TNIP3: variants seen among roughly 807,000 people sequenced by gnomAD.
The protein encoded by TNIP3 is TNFAIP3 interacting protein 3.
A neutral mutation model predicts 54.1 loss-of-function variants in TNIP3; 34 were observed. That is an observed-to-expected ratio of 0.63 (90% CI 0.48 to 0.84). The LOEUF (loss-of-function observed/expected upper bound fraction) is 0.84, where lower values mean the gene tolerates loss of function less well. Ranked by LOEUF, TNIP3 falls within the 40% of genes least tolerant of loss-of-function variation. The pLI, the probability that TNIP3 is intolerant of heterozygous loss-of-function variation, is 0.00. For missense variants in TNIP3, 366 were observed against 387.6 expected (o/e 0.94, Z 0.47); for synonymous variants, 134 against 136.8 (o/e 0.98, Z 0.14).
At chr4:121,168,748 G>A (rs1730909961), upstream of TNIP3, among the ~76,000 whole-genome samples, 1 of 151,240 alleles carries the variant, frequency 6.6e-6, no homozygotes. Flanking sequence ...TTGAACTCGT[G>A]GCTTTGAATG....
chr4:121,155,209 C>G (rs531055533), intron 4 of TNIP3, among the ~76,000 whole-genome samples: 1 of 152,016 alleles, frequency 6.6e-6, no homozygotes, highest in Non-Finnish European at 1.5e-5. Flanking sequence ...GTGATCTGCC[C>G]GTCTCAGCCT....
At chr4:121,137,949 T>A (rs1165831516) in intron 10 of TNIP3, 2 of 456,066 alleles carry the variant, frequency 4.4e-6, no homozygotes, top group Non-Finnish European at 8.8e-6. Context: ...ATAGCTCAGT[T>A]TATACAGCCC....
intron 5 of TNIP3, among the ~76,000 whole-genome samples, chr4:121,151,452 AT>A (rs778113938): frequency 2.0e-5 from 3 of 151,956 alleles, no homozygotes; most frequent in Admixed American, 6.6e-5. Context: ...TATGAATATC[AT>A]TTTTTTTCAG....
rs767549424 is a variant in TNIP3 at position 121,164,133 on chromosome 4, G to A, written c.-8C>T. The A allele has an allele frequency of 1.8e-5, 29 of 1,613,514 alleles. No homozygotes were observed. Among genetic ancestry groups the A allele is most frequent in the Non-Finnish European group, 2.1e-5 (25 of 1,179,726 alleles). ...CTGTACAAAATGTGCCATGGAAGCTGTTTTTCCTGGAGTCTTGGAAAGCAG... is the reference window on the plus strand; with the variant it reads ...CTGTACAAAATGTGCCATGGAAGCTATTTTTCCTGGAGTCTTGGAAAGCAG... On this transcript the variant is annotated 5_prime_UTR_variant, in exon 1 of 11. Coordinates refer to ENST00000057513, the MANE Select transcript of TNIP3 (RefSeq NM_024873.6).
chr4:121,152,708 T>C (rs1729833394), intron 5 of TNIP3, among the ~76,000 whole-genome samples: 1 of 152,210 alleles, frequency 6.6e-6, no homozygotes, highest in Non-Finnish European at 1.5e-5. Flanking sequence ...TAAAAATACA[T>C]GTTAAAATGA....
At chr4:121,173,966 A>G (rs1012643853) in intron 3 of TNIP3, among the ~76,000 whole-genome samples, 2 of 152,156 alleles carry the variant, frequency 1.3e-5, no homozygotes, top group African/African-American at 4.8e-5. Context: ...CTTATTGATT[A>G]TTGTCTGTGG....
intron 2 of TNIP3, among the ~76,000 whole-genome samples, chr4:121,197,092 A>G (rs1725632084): frequency 6.6e-6 from 1 of 152,142 alleles, no homozygotes; most frequent in African/African-American, 2.4e-5. Context: ...AATCAACTAG[A>G]AAGCAGTGGG....
intron 2 of TNIP3, among the ~76,000 whole-genome samples, chr4:121,196,041 C>A (rs76831298): frequency 6.6e-6 from 1 of 152,170 alleles, no homozygotes; most frequent in African/African-American, 2.4e-5. Flanking sequence ...AAACACCACA[C>A]GCTTGATTTT....
At chr4:121,214,265 C>T (rs766419644) in intron 2 of TNIP3, among the ~76,000 whole-genome samples, 8 of 152,090 alleles carry the variant, frequency 5.3e-5, no homozygotes, top group Non-Finnish European at 8.8e-5. Flanking sequence ...GTATATACAC[C>T]CTAGAAGGCA....
At chr4:121,137,206 A>T (rs1412212827) in intron 10 of TNIP3, among the ~76,000 whole-genome samples, 1 of 152,216 alleles carries the variant, frequency 6.6e-6, no homozygotes, top group Non-Finnish European at 1.5e-5. Context: ...ACTCCAATTC[A>T]GAAAGAAAAT....
intron 2 of TNIP3, among the ~76,000 whole-genome samples, chr4:121,196,215 G>C (rs1385070528): frequency 6.6e-6 from 1 of 152,168 alleles, no homozygotes; most frequent in African/African-American, 2.4e-5. Flanking sequence ...GAAATAAATT[G>C]ACAAGGTCTA....
chr4:121,194,391 T>C (rs1246555606), intron 2 of TNIP3, among the ~76,000 whole-genome samples: 1 of 152,198 alleles, frequency 6.6e-6, no homozygotes, highest in East Asian at 1.9e-4. Flanking sequence ...CTTAAAATTA[T>C]CTTTTGCTCA....
chr4:121,188,801 A>G (rs1371724036), intron 2 of TNIP3, among the ~76,000 whole-genome samples: 1 of 152,202 alleles, frequency 6.6e-6, no homozygotes, highest in Non-Finnish European at 1.5e-5. Context: ...ATTAATTAAT[A>G]CATTGAATAA....
chr4:121,145,880 G>C (rs757449954), intron 7 of TNIP3, among the ~76,000 whole-genome samples: 2 of 151,592 alleles, frequency 1.3e-5, no homozygotes, highest in African/African-American at 2.4e-5. Context: ...GGGAGGCTGA[G>C]GCAGGAGACT....
chr4:121,201,679 C>T (rs1052996261), intron 2 of TNIP3, among the ~76,000 whole-genome samples: 1 of 152,178 alleles, frequency 6.6e-6, no homozygotes, highest in Non-Finnish European at 1.5e-5. Flanking sequence ...GATTAACCAA[C>T]TAGCTATGAT....
chr4:121,174,236 G>A (rs1724167091), intron 3 of TNIP3, among the ~76,000 whole-genome samples: 1 of 151,964 alleles, frequency 6.6e-6, no homozygotes, highest in African/African-American at 2.4e-5. Context: ...AATACCAAAA[G>A]TTATAATTAT....
At chr4:121,152,800 T>G (rs115562936) in intron 5 of TNIP3, among the ~76,000 whole-genome samples, 1 of 152,216 alleles carries the variant, frequency 6.6e-6, no homozygotes, top group African/African-American at 2.4e-5. Context: ...TTTTTTCTTC[T>G]AATTTTAAGA....
chr4:121,188,140 G>T (rs1725119184), intron 2 of TNIP3, among the ~76,000 whole-genome samples: 1 of 152,092 alleles, frequency 6.6e-6, no homozygotes, highest in South Asian at 2.1e-4. Context: ...TATCTGTTGG[G>T]TCTTGGCTTC....
intron 2 of TNIP3, among the ~76,000 whole-genome samples, chr4:121,204,986 G>A (rs917731763): frequency 3.9e-5 from 6 of 151,946 alleles, no homozygotes; most frequent in Admixed American, 6.6e-5. Flanking sequence ...TTTCTCTTCC[G>A]TAATTGTTCA....
Sources: allele counts gnomAD v4.1 joint callset (sites outside exome capture counted in the v4.1 genomes callset), GRCh38; gene constraint gnomAD v4.1.1; transcripts MANE v1.5; gene names NCBI Gene and HGNC (gene_info 2026-07-23, HGNC 2026-07-21).